The following ARSF variants were observed in gnomAD, a reference collection of about 807,000 sequenced individuals.
ARSF encodes arylsulfatase F.
A neutral mutation model predicts 35.4 loss-of-function variants in ARSF; 33 were observed. That is an observed-to-expected ratio of 0.93 (90% confidence interval 0.71 to 1.25). The LOEUF (loss-of-function observed/expected upper bound fraction) is 1.25. Ranked by LOEUF, ARSF falls within the 50% of genes most tolerant of loss-of-function variation. ARSF has a pLI of 0.00. For missense variants in ARSF, 501 were observed against 480.2 expected, an observed-to-expected ratio of 1.04 and a Z score of -0.40; for synonymous variants, 222 against 193.1, an observed-to-expected ratio of 1.15 and a Z score of -1.24.
At chrX:3,043,344 A>T (rs2089962791) in intron 1 of ARSF, among the ~76,000 whole-genome samples, 3 of 112,161 alleles carry the variant, frequency 2.7e-5, no homozygotes, top group African/African-American at 9.7e-5. Flanking sequence ...ATTCAAAAAA[A>T]TTTTTATGTA....
intron 1 of ARSF, among the ~76,000 whole-genome samples, chrX:3,057,381 A>G (rs1027380253): frequency 9.0e-6 from 1 of 111,397 alleles, no homozygotes; most frequent in Admixed American, 9.6e-5. Flanking sequence ...CTCCTGGAAG[A>G]GTAGGTGGTT....
chrX:3,055,130 G>A (rs1209211219), intron 1 of ARSF, among the ~76,000 whole-genome samples: 1 of 106,478 alleles, frequency 9.4e-6, no homozygotes, highest in Non-Finnish European at 1.9e-5. Context: ...ATCACCTGAG[G>A]TCAGGAGTTC....
At chrX:3,104,151 C>T (rs1188954377) in intron 9 of ARSF, among the ~76,000 whole-genome samples, 7 of 111,504 alleles carry the variant, frequency 6.3e-5, no homozygotes, top group Admixed American at 5.7e-4. Context: ...ACCATCTTTA[C>T]CATTTTTCAG....
At chrX:3,102,607 T>A (rs1369861468) in intron 8 of ARSF, among the ~76,000 whole-genome samples, 1 of 112,437 alleles carries the variant, frequency 8.9e-6, no homozygotes, top group Admixed American at 9.4e-5. Flanking sequence ...ATGTTAGACA[T>A]TGTATGTTTG....
intron 9 of ARSF, among the ~76,000 whole-genome samples, chrX:3,104,578 G>A (rs761393676): frequency 1.9e-4 from 21 of 112,236 alleles, no homozygotes; most frequent in African/African-American, 6.8e-4. Flanking sequence ...TCTTTTGGGT[G>A]TATACCAAGT....
At chrX:3,091,863 TGATA>T (rs925918571) in intron 7 of ARSF, among the ~76,000 whole-genome samples, 3 of 109,976 alleles carry the variant, frequency 2.7e-5, no homozygotes, top group Non-Finnish European at 5.7e-5. Flanking sequence ...AGATGATGGA[TGATA>T]GATAGATGAT....
chrX:3,110,042 G>A, intron 9 of ARSF, 86 bp from the exon 10 acceptor site: 1 of 988,346 alleles, frequency 1.0e-6, no homozygotes. Flanking sequence ...GCATGACGCA[G>A]TCTTCACCAA....
At chrX:3,093,608 T>G (rs1156956151) in intron 7 of ARSF, among the ~76,000 whole-genome samples, 1 of 112,296 alleles carries the variant, frequency 8.9e-6, no homozygotes, top group Non-Finnish European at 1.9e-5. Context: ...TTTATGGCTG[T>G]GTAGTATTCC....
intron 1 of ARSF, among the ~76,000 whole-genome samples, chrX:3,047,164 T>A (rs892155343): frequency 9.1e-6 from 1 of 109,819 alleles, no homozygotes; most frequent in African/African-American, 3.4e-5. Context: ...GAATGACTAC[T>A]TTAAGAACAG....
At chrX:3,093,058 C>G (rs55926992) in intron 7 of ARSF, among the ~76,000 whole-genome samples, 7 of 109,612 alleles carry the variant, frequency 6.4e-5, no homozygotes, top group African/African-American at 2.4e-4. Flanking sequence ...CCCAGCTACT[C>G]GGGAGGCTGA....
In ARSF at chrX:3,112,440, T is replaced by A. The variant is rs1395062309; in HGVS notation, c.1657T>A (p.Ser553Thr). The A allele has an allele frequency of 8.3e-7, 1 of 1,211,362 alleles. No individual in the cohort carries two copies. ...CATCGTGCCTGTGACCTACCAACTCTCAGAACTGAATCAGGGCAGGACGTG... is the reference window on the plus strand; with the variant it reads ...CATCGTGCCTGTGACCTACCAACTCACAGAACTGAATCAGGGCAGGACGTG... ...ETIVPVTYQLSELNQGRTWLK... is the reference protein window; with the variant it reads ...ETIVPVTYQLTELNQGRTWLK... Residue 553 changes from serine to threonine, a missense_variant, in exon 11 of 11, where the codon TCA becomes ACA. By Grantham distance (58) the Ser-to-Thr change is moderately conservative. Transcript: ENST00000381127.
intron 6 of ARSF, among the ~76,000 whole-genome samples, chrX:3,087,765 C>T (rs1293248664): frequency 9.0e-6 from 1 of 111,161 alleles, no homozygotes; most frequent in Non-Finnish European, 1.9e-5. Flanking sequence ...ACTCCATTTC[C>T]ACATGGCCTC....
At chrX:3,086,972 C>CTGTT (rs1222732979) in intron 6 of ARSF, among the ~76,000 whole-genome samples, 35 of 111,624 alleles carry the variant, frequency 3.1e-4, no homozygotes, top group African/African-American at 1.1e-3. Flanking sequence ...AGGGGAGAAT[C>CTGTT]TGTTTTCTCT....
intron 4 of ARSF, among the ~76,000 whole-genome samples, chrX:3,079,533 G>A (rs193292478): frequency 0.031 from 3,389 of 108,300 alleles, 58 homozygotes; most frequent in Middle Eastern, 0.093. Context: ...TAGTAGAGAC[G>A]GGGTTTCCCC....
chrX:3,098,955 C>T (rs751833061), intron 7 of ARSF, among the ~76,000 whole-genome samples: 4 of 110,173 alleles, frequency 3.6e-5, no homozygotes, highest in Non-Finnish European at 5.7e-5. Context: ...AAACAACTCC[C>T]GTGTCCCCTT....
chrX:3,103,394 G>T (rs1371197361), intron 8 of ARSF, among the ~76,000 whole-genome samples: 1 of 110,677 alleles, frequency 9.0e-6, no homozygotes, highest in Non-Finnish European at 1.9e-5. Flanking sequence ...AAAATTGGGG[G>T]CTGGATACAA....
chrX:3,060,613 C>T (rs1686798847), intron 1 of ARSF, among the ~76,000 whole-genome samples: 1 of 111,418 alleles, frequency 9.0e-6, no homozygotes, highest in Non-Finnish European at 1.9e-5. Flanking sequence ...GTAGAGAAGA[C>T]CTTAAATGAC....
chrX:3,103,349 C>G (rs1182429048), intron 8 of ARSF, among the ~76,000 whole-genome samples: 1 of 110,863 alleles, frequency 9.0e-6, no homozygotes, highest in East Asian at 2.8e-4. Flanking sequence ...ATAAAATGTT[C>G]AGGCACGCCT....
intron 5 of ARSF, among the ~76,000 whole-genome samples, chrX:3,083,532 A>G (rs1463207017): frequency 5.6e-5 from 1 of 17,858 alleles, no homozygotes; most frequent in Non-Finnish European, 9.8e-5. Context: ...CTATCTATCC[A>G]TCCATCCATC....
Sources: gnomAD v4.1 joint callset for allele counts (sites outside exome capture counted in the v4.1 genomes callset) on GRCh38, gnomAD v4.1.1 for gene constraint, MANE v1.5 for transcripts, NCBI Gene and HGNC (gene_info 2026-07-23, HGNC 2026-07-21) for gene names.